LY9: variants seen among roughly 807,000 people sequenced by gnomAD.
The protein encoded by LY9 is lymphocyte antigen 9.
Under a neutral mutation model 64.6 loss-of-function variants are expected in LY9, and 59 were observed. That is an observed-to-expected ratio of 0.91 (90% CI 0.74 to 1.13). The LOEUF (loss-of-function observed/expected upper bound fraction) is 1.13, where lower values mean the gene tolerates loss of function less well. Among genes scored for constraint, LY9 ranks in the 50% most tolerant of loss-of-function variants. LY9 has a pLI of 0.00. For synonymous variants in LY9, 281 were observed against 308.5 expected (o/e 0.91, Z 0.93); for missense variants, 789 against 797.2 (o/e 0.99, Z 0.12).
At chr1:160,806,195 T>C (rs895339125) in intron 2 of LY9, among the ~76,000 whole-genome samples, 1 of 152,208 alleles carries the variant, frequency 6.6e-6, no homozygotes, top group Non-Finnish European at 1.5e-5. Flanking sequence ...TATGTGAAGC[T>C]TTTTCCTGTA....
At chr1:160,826,410 ATGTTGCACTTATGCCTGG>A (rs1417270802) in intron 9 of LY9, among the ~76,000 whole-genome samples, 3 of 152,282 alleles carry the variant, frequency 2.0e-5, no homozygotes, top group African/African-American at 7.2e-5. Flanking sequence ...GTTCAAACAT[ATGTTGCACTTATGCCTGG>A]TGTTCCATTA....
intron 2 of LY9, among the ~76,000 whole-genome samples, chr1:160,803,040 G>T (rs533002461): frequency 2.9e-4 from 44 of 152,084 alleles, no homozygotes; most frequent in African/African-American, 1.1e-3. Context: ...CCAACACTTT[G>T]GGAGGCTGAG....
chr1:160,803,670 C>A (rs1365037074), intron 2 of LY9, among the ~76,000 whole-genome samples: 1 of 152,096 alleles, frequency 6.6e-6, no homozygotes, highest in Non-Finnish European at 1.5e-5. Context: ...TTTATCAAAT[C>A]TAAGAGTTTT....
At chr1:160,818,167 C>T (rs773514145) in intron 5 of LY9, 51 bp from the exon 6 acceptor site, 10 of 1,194,276 alleles carry the variant, frequency 8.4e-6, no homozygotes, top group Non-Finnish European at 1.2e-5. Flanking sequence ...TTGTTTGCTC[C>T]AGTGTGTCTT....
At chr1:160,822,900 A>C (rs1037783567) in intron 7 of LY9, among the ~76,000 whole-genome samples, 5 of 152,186 alleles carry the variant, frequency 3.3e-5, no homozygotes, top group African/African-American at 1.2e-4. Context: ...ACCTGCCTCT[A>C]ATCATGCTGT....
chr1:160,803,148 G>A (rs566091130), intron 2 of LY9, among the ~76,000 whole-genome samples: 12 of 152,224 alleles, frequency 7.9e-5, no homozygotes, highest in African/African-American at 2.6e-4. Context: ...CAGGGGTGGT[G>A]ATGGGCACCT....
At chr1:160,824,052 A>C in intron 8 of LY9, 129 bp from the exon 9 acceptor site, 1 of 1,155,640 alleles carries the variant, frequency 8.7e-7, no homozygotes, top group East Asian at 2.4e-5. Flanking sequence ...TCCCCACTGC[A>C]CTAAGGCAGC....
At position 160,823,490 on chromosome 1, in the gene LY9, C is replaced by G. The variant is rs770790147; in HGVS notation, c.1524C>G (p.Tyr508Ter). The change falls in exon 8 of 10, where the codon TAC becomes TAG. Residue 508 changes from tyrosine (Y) to a stop codon, truncating the protein, a stop_gained. Transcript: ENST00000263285. LOFTEE classifies it high-confidence loss of function. ...TPEPTAGHTL[Y>*]SVLSQGYEKL... ...AACCCACAGCTGGCCACACGCTATACTCTGTGCTCTCCCAAGGATATGAGA... is the reference window on the plus strand; with the variant it reads ...AACCCACAGCTGGCCACACGCTATAGTCTGTGCTCTCCCAAGGATATGAGA... 1 of 1,613,734 alleles carries G rather than the reference C, an allele frequency of 6.2e-7. No individual in the cohort carries two copies. The highest frequency in any genetic ancestry group is 1.7e-5 in the Admixed American group (1 of 60,010).
At chr1:160,807,987 G>A (rs1667140647) in intron 2 of LY9, among the ~76,000 whole-genome samples, 1 of 152,076 alleles carries the variant, frequency 6.6e-6, no homozygotes, top group African/African-American at 2.4e-5. Context: ...CTCAGGTGAG[G>A]ACAGTAGCCG....
intron 1 of LY9, chr1:160,797,373 C>A: frequency 1.3e-6 from 1 of 773,292 alleles, no homozygotes; most frequent in African/African-American, 1.9e-5. Flanking sequence ...AACGAGGAGC[C>A]TAGACCTCAG....
chr1:160,816,762 T>A lies in LY9; in HGVS notation c.1241T>A (p.Val414Asp), dbSNP rs773960321. Residue 414 changes from valine (V) to aspartate (D), a missense_variant, in exon 5 of 10, where the codon GTC (valine) becomes GAC (aspartate). Val to Asp is a radical substitution (Grantham distance 152). Coordinates refer to ENST00000263285, the MANE Select transcript of LY9 (RefSeq NM_002348.4). ...VVSQGESHLN[V>D]SWRSSENHPN... Reference sequence around the variant, plus strand: ...TCCCAAGGGGAATCACACCTCAATGTCTCATGGAGAAGCAGTGAAAATCAC... The same window carrying A: ...TCCCAAGGGGAATCACACCTCAATGACTCATGGAGAAGCAGTGAAAATCAC... 6.2e-7 allele frequency: 1 copy of A among 1,614,186 alleles called. No individual in the cohort carries two copies. The highest frequency in any genetic ancestry group is 2.2e-5 in the East Asian group (1 of 44,886).
At position 160,816,686 on chromosome 1, in the gene LY9, G is replaced by A. The variant is rs765730374; in HGVS notation, c.1165G>A (p.Gly389Arg). ...CCTGACCTGCTCCGTGGAGGACGGG[G>A]GAAACACTGTCATGTACACATGGAC... ...ISLTCSVEDG[G>R]NTVMYTWTPL... The change falls in exon 5 of 10, where the codon GGA (glycine) becomes AGA (arginine). Residue 389 changes from glycine to arginine, a missense_variant. By Grantham distance (125) the Gly-to-Arg change is moderately radical (BLOSUM62 -2). Transcript: ENST00000263285. 2.5e-6 allele frequency: 4 copies of A among 1,614,180 alleles called. No homozygotes were observed. Among genetic ancestry groups the A allele is most frequent in the Admixed American group, 3.3e-5 (2 of 60,030 alleles).
chr1:160,800,267 AAATTG>A, intron 2 of LY9, 185 bp downstream of exon 2: 1 of 576,210 alleles, frequency 1.7e-6, no homozygotes, highest in Non-Finnish European at 3.1e-6. Flanking sequence ...CTGCTATCAA[AAATTG>A]AATTGATTTT....
intron 7 of LY9, among the ~76,000 whole-genome samples, chr1:160,822,738 T>C (rs1201457658): frequency 6.6e-6 from 1 of 152,184 alleles, no homozygotes; most frequent in African/African-American, 2.4e-5. Flanking sequence ...GTTCACAGCA[T>C]ATCCACCCAG....
Position 160,823,635 on chromosome 1 carries a change from A to G in LY9, c.1669A>G (p.Ser557Gly). Residue 557 changes from serine (S) to glycine (G), a missense_variant, in exon 8 of 10, where the codon AGT becomes GGT. Coordinates refer to ENST00000263285, the MANE Select transcript of LY9 (RefSeq NM_002348.4). ...EDRPEVHKPI[S>G]GRYEVFDQVT... ...CAGGCCTGAGGTGCACAAGCCCATC[A>G]GTGGAAGATATGAGGTATTTGACCA... 1 of 1,614,176 alleles carries G rather than the reference A, an allele frequency of 6.2e-7. No homozygotes were observed. Among genetic ancestry groups the G allele is most frequent in the Non-Finnish European group, 8.5e-7 (1 of 1,180,008 alleles).
At chr1:160,818,065 C>G (rs1239759110) in intron 5 of LY9, among the ~76,000 whole-genome samples, 153 bp from the exon 6 acceptor site, 1 of 152,016 alleles carries the variant, frequency 6.6e-6, no homozygotes, top group Non-Finnish European at 1.5e-5. Context: ...AATGCTTGCT[C>G]GAAAAATGGT....
At chr1:160,827,655 C>A in intron 9 of LY9, 93 bp from the exon 10 acceptor site, 1 of 929,480 alleles carries the variant, frequency 1.1e-6, no homozygotes, top group Non-Finnish European at 1.6e-6. Flanking sequence ...GTAGGATGGA[C>A]CAGTCATAGC....
rs899261008 is a variant in LY9 at position 160,823,406 on chromosome 1, A to G, written c.1499-59A>G. The G allele has an allele frequency of 3.7e-6, 5 of 1,365,864 alleles. No individual in the cohort carries two copies. The Admixed American group carries it at 7.9e-5, about 22-fold the overall frequency. 84.6% of individuals were successfully genotyped at this position (1,365,864 alleles called of 1,614,324 possible). ...TCAGAGCAGGCTGGGGCCTTGCAGC[A>G]AAGCAAGAAGAGAGGTGGGGTTGGC... On this transcript the variant is annotated intron_variant, in intron 7 of 9. Transcript: ENST00000263285.
chr1:160,820,348 ACT>A (rs1278684993), intron 7 of LY9, among the ~76,000 whole-genome samples: 3 of 151,850 alleles, frequency 2.0e-5, no homozygotes, highest in Non-Finnish European at 4.4e-5. Flanking sequence ...TTCACCTTAA[ACT>A]CTGGAGCTCT....
Sources: gnomAD v4.1 joint callset for allele counts (sites outside exome capture counted in the v4.1 genomes callset) on GRCh38, gnomAD v4.1.1 for gene constraint, MANE v1.5 for transcripts, NCBI Gene and HGNC (gene_info 2026-07-23, HGNC 2026-07-21) for gene names.